EYS: variants seen among roughly 807,000 people sequenced by gnomAD.
EYS encodes protein eyes shut homolog.
Under a neutral mutation model 282.1 loss-of-function variants are expected in EYS, and 250 were observed. The ratio of observed to expected loss-of-function variants is 0.89; its 90% CI spans 0.80 to 0.98. The LOEUF (loss-of-function observed/expected upper bound fraction) is 0.98. EYS is among the 50% of genes least tolerant of loss of function. The probability of loss-of-function intolerance (pLI) is 0.00; values close to 1 mark genes in which losing one functional copy is unlikely to be tolerated. For missense variants in EYS, 4,016 were observed against 3,709.0 expected (o/e 1.08, Z -2.15); for synonymous variants, 1,355 against 1,282.9 (o/e 1.06, Z -1.20).
Position 65,494,930 on chromosome 6 carries a change from G to A in EYS, c.481C>T (p.Leu161=), listed in dbSNP as rs1415965445. The A allele has an allele frequency of 6.2e-7, 1 of 1,614,154 alleles. No homozygotes were observed. The change falls in exon 4 of 43, where the codon CTG becomes TTG. Residue 161 remains leucine (L), a synonymous_variant. Transcript: ENST00000503581. The stretch of plus-strand genomic sequence containing the variant: ...ACTGTCACATTTAGTCGAAGTCCCA[G>A]TGGACAAGGTGATGGACCACTTGCC... ...VMASGPSPCP[L]GLRLNVTVKQ... is the part of the protein sequence containing the mutation.
chr6:64,114,855 G>A (rs1166554803), intron 31 of EYS, among the ~76,000 whole-genome samples: 2 of 152,062 alleles, frequency 1.3e-5, no homozygotes, highest in Admixed American at 6.5e-5. Context: ...CTCCAGGGGA[G>A]GGAGATGCTG....
chr6:65,549,666 T>G (rs748869836), intron 2 of EYS, among the ~76,000 whole-genome samples: 2 of 152,226 alleles, frequency 1.3e-5, no homozygotes, highest in Non-Finnish European at 2.9e-5. Flanking sequence ...CTTAAAACAT[T>G]CATTTTTGAA....
intron 37 of EYS, among the ~76,000 whole-genome samples, chr6:63,800,045 AT>A (rs1770746787): frequency 6.6e-6 from 1 of 152,198 alleles, no homozygotes; most frequent in East Asian, 1.9e-4. Flanking sequence ...TGTAGCACTA[AT>A]TGTGGAGGAT....
At chr6:64,728,893 G>C (rs1272666938) in intron 22 of EYS, 2 of 152,302 alleles carry the variant, frequency 1.3e-5, no homozygotes, top group African/African-American at 2.4e-5. Context: ...TCTGTGGGGA[G>C]GGGAGCTGGA....
At chr6:64,982,971 G>A (rs1032029920) in intron 14 of EYS, among the ~76,000 whole-genome samples, 3 of 151,058 alleles carry the variant, frequency 2.0e-5, no homozygotes, top group Non-Finnish European at 3.0e-5. Context: ...TCCTTATGAT[G>A]CTTGTCAGTG....
chr6:63,825,945 C>G (rs868637513), intron 36 of EYS, among the ~76,000 whole-genome samples: 2 of 152,050 alleles, frequency 1.3e-5, no homozygotes, highest in South Asian at 4.1e-4. Context: ...TTAAGTGAAT[C>G]AGGGAAGGAA....
At chr6:65,079,299 C>G (rs184976637) in intron 12 of EYS, among the ~76,000 whole-genome samples, 67 of 151,968 alleles carry the variant, frequency 4.4e-4, no homozygotes, top group Admixed American at 3.6e-3. Flanking sequence ...AATGTTGATG[C>G]AAGAGGAACT....
chr6:65,450,781 C>T (rs1026929373), intron 5 of EYS, among the ~76,000 whole-genome samples: 1 of 152,136 alleles, frequency 6.6e-6, no homozygotes, highest in Admixed American at 6.6e-5. Flanking sequence ...GGTGACCCAT[C>T]TCCACATCCA....
intron 2 of EYS, among the ~76,000 whole-genome samples, chr6:65,497,881 C>T (rs528361778): frequency 6.6e-6 from 1 of 152,090 alleles, no homozygotes; most frequent in East Asian, 1.9e-4. Context: ...ATTGAGAACT[C>T]ACTATAATTT....
At chr6:64,382,550 A>G (rs1353948430) in intron 29 of EYS, among the ~76,000 whole-genome samples, 1 of 152,220 alleles carries the variant, frequency 6.6e-6, no homozygotes, top group Non-Finnish European at 1.5e-5. Flanking sequence ...GTGCAAGTGT[A>G]CAGTTTATTT....
chr6:64,757,744 T>TTGTGTGTGTGTGTGTGTG (rs66825340), intron 22 of EYS, among the ~76,000 whole-genome samples: 16 of 139,814 alleles, frequency 1.1e-4, no homozygotes, highest in Non-Finnish European at 1.7e-4. Flanking sequence ...CTTTTTTTCT[T>TTGTGTGTGTGTGTGTGTG]TGTGTGTGTG....
chr6:63,817,932 A>C (rs1771223971), intron 36 of EYS, among the ~76,000 whole-genome samples: 1 of 152,164 alleles, frequency 6.6e-6, no homozygotes, highest in African/African-American at 2.4e-5. Flanking sequence ...TGTGTGAAGC[A>C]CTATCCCAAG....
At chr6:64,249,028 C>T (rs1767113615) in intron 30 of EYS, among the ~76,000 whole-genome samples, 1 of 137,106 alleles carries the variant, frequency 7.3e-6, no homozygotes, top group Non-Finnish European at 1.5e-5. Context: ...CACGCCACTG[C>T]ACTCCAGCCT....
chr6:64,592,380 TA>T (rs1226640001), intron 25 of EYS, among the ~76,000 whole-genome samples: 2 of 152,166 alleles, frequency 1.3e-5, no homozygotes, highest in East Asian at 3.9e-4. Context: ...ACTTCCTCAA[TA>T]GGCAAAATGT....
chr6:65,437,259 T>C (rs1768110600), intron 5 of EYS, among the ~76,000 whole-genome samples: 1 of 152,108 alleles, frequency 6.6e-6, no homozygotes, highest in Admixed American at 6.6e-5. Context: ...GTGTGCTCAG[T>C]GTCAAAAATT....
At chr6:64,607,043 T>C (rs1053305644) in intron 24 of EYS, among the ~76,000 whole-genome samples, 4 of 151,684 alleles carry the variant, frequency 2.6e-5, no homozygotes, top group African/African-American at 9.7e-5. Context: ...GGTTTCTGTA[T>C]GAATAAAAAA....
chr6:64,851,065 G>A (rs1428984804), intron 19 of EYS, among the ~76,000 whole-genome samples: 1 of 152,058 alleles, frequency 6.6e-6, no homozygotes, highest in Non-Finnish European at 1.5e-5. Flanking sequence ...ATATCAATTA[G>A]CATATTTAAC....
chr6:64,902,229 CA>C lies in EYS; in HGVS notation c.2739-10del, dbSNP rs1767690191. 3 of 1,536,106 alleles carry C rather than the reference CA, an allele frequency of 2.0e-6. No individual in the cohort carries two copies. The highest frequency in any genetic ancestry group is 2.0e-5 in the Admixed American group (1 of 50,184). On this transcript the variant is annotated splice_polypyrimidine_tract_variant and intron_variant, in intron 17 of 42. Coordinates refer to ENST00000503581, the MANE Select transcript of EYS (RefSeq NM_001142800.2). ...CAGGTCTGCAAATACACCTTTTAAACAAAAAATTTAGTAACTCCATTAGTAT... is the reference window on the plus strand; with the variant it reads ...CAGGTCTGCAAATACACCTTTTAAACAAAAATTTAGTAACTCCATTAGTAT...
chr6:64,551,148 GTATATACATATATGTGTATATACA>G (rs1322337060), intron 26 of EYS, among the ~76,000 whole-genome samples: 1 of 147,682 alleles, frequency 6.8e-6, no homozygotes, highest in East Asian at 2.0e-4. Flanking sequence ...ACACATATAT[GTATATACATATATGTGTATATACA>G]TATATACACA....
Sources: gnomAD v4.1 joint callset for allele counts (sites outside exome capture counted in the v4.1 genomes callset) on GRCh38, gnomAD v4.1.1 for gene constraint, MANE v1.5 for transcripts, NCBI Gene and HGNC (gene_info 2026-07-23, HGNC 2026-07-21) for gene names.